Variants in WDR33 observed in about 807,000 individuals in gnomAD.
WDR33 encodes the protein pre-mRNA 3' end processing protein WDR33.
In WDR33, 47 loss-of-function variants were observed where a neutral mutation model predicts 164.9. The ratio of observed to expected loss-of-function variants is 0.29; its 90% CI spans 0.23 to 0.36. WDR33 has a LOEUF of 0.36. Among genes scored for constraint, WDR33 ranks in the 10% least tolerant of loss-of-function variants. The pLI, the probability that WDR33 is intolerant of heterozygous loss-of-function variation, is 1.00. For synonymous variants in WDR33, 505 were observed against 589.0 expected (o/e 0.86, Z 2.06); for missense variants, 1,137 against 1,754.1 (o/e 0.65, Z 6.28).
At chr2:127,776,887 A>C (rs1380838109) in intron 1 of WDR33, among the ~76,000 whole-genome samples, 1 of 152,234 alleles carries the variant, frequency 6.6e-6, no homozygotes, top group East Asian at 1.9e-4. Context: ...CCAAACACAG[A>C]GAAAGCAGAG....
At position 127,724,260 on chromosome 2, in the gene WDR33, T is replaced by A. The variant is rs1686510391; in HGVS notation, c.1196+73A>T. The A allele has an allele frequency of 3.4e-6, 4 of 1,191,926 alleles. No homozygotes were observed. The highest frequency in any genetic ancestry group is 2.0e-4 in the Middle Eastern group (1 of 4,996). 73.8% of individuals were successfully genotyped at this position (1,191,926 alleles called of 1,614,324 possible). On this transcript the variant is annotated intron_variant, in intron 11 of 21. Coordinates refer to ENST00000322313, the MANE Select transcript of WDR33 (RefSeq NM_018383.5). The surrounding 1 kb of genome is among the most constrained non-coding windows in gnomAD (Gnocchi z 4.8). ...ATAAATTACTATATCAATCAACCAATAAAAATAAACACATACAGTATTTAT... is the reference window on the plus strand; with the variant it reads ...ATAAATTACTATATCAATCAACCAAAAAAAATAAACACATACAGTATTTAT...
At position 127,701,280 on chromosome 2, in the gene WDR33, G is replaced by T; in HGVS notation, c.*5043C>A. 1 of 329,356 alleles carries T rather than the reference G, an allele frequency of 3.0e-6. No homozygotes were observed. The highest frequency in any genetic ancestry group is 5.5e-6 in the Non-Finnish European group (1 of 183,004). 20.4% of individuals were successfully genotyped at this position (329,356 alleles called of 1,614,324 possible). On this transcript the variant is annotated 3_prime_UTR_variant, in exon 22 of 22. Coordinates refer to ENST00000322313, the MANE Select transcript of WDR33 (RefSeq NM_018383.5). ...CAGGACTTAGCCAGACCGCAAGGGC[G>T]CCTACTCCGAACAAGGAAGAGGGTC...
rs557050757 is a variant in WDR33 at position 127,742,306 on chromosome 2, T to C, written c.725-15529A>G. ...ACCTTGGGAGGCCAAGGTATGTGGA[T>C]TGCTTGAGCTCAGGAGTTTGAGAAC... On this transcript the variant is annotated intron_variant, in intron 7 of 21. Transcript: ENST00000322313. 1.2e-4 allele frequency among the ~76,000 whole-genome samples: 19 copies of C among 152,110 alleles called. 1 individual carries two copies. The highest frequency in any genetic ancestry group is 3.9e-4 in the African/African-American group (16 of 41,500).
rs950779283 is a variant in WDR33 at position 127,703,328 on chromosome 2, C to T, written c.*2995G>A. The T allele has an allele frequency of 2.4e-5, 4 of 167,092 alleles. No homozygotes were observed. Among genetic ancestry groups the T allele is most frequent in the African/African-American group, 9.6e-5 (4 of 41,462 alleles). 10.4% of individuals were successfully genotyped at this position (167,092 alleles called of 1,614,324 possible). ...TTTTAAAGCTCCCCAAGTGATTCTA[C>T]GTTCCCCAAGTTTGAGGACCACTTT... On this transcript the variant is annotated 3_prime_UTR_variant, in exon 22 of 22. Coordinates refer to ENST00000322313, the MANE Select transcript of WDR33 (RefSeq NM_018383.5).
At chr2:127,747,047 G>GT (rs1472514490) in intron 7 of WDR33, among the ~76,000 whole-genome samples, 5 of 152,094 alleles carry the variant, frequency 3.3e-5, no homozygotes, top group African/African-American at 1.2e-4. Context: ...GATCACCAAA[G>GT]TGAGTTTCGC....
intron 1 of WDR33, among the ~76,000 whole-genome samples, chr2:127,788,061 G>A (rs1050155595): frequency 3.3e-5 from 3 of 90,312 alleles, no homozygotes; most frequent in Non-Finnish European, 6.5e-5. Flanking sequence ...CGGCTGGCCG[G>A]GCGGGGGGCC....
Position 127,765,281 on chromosome 2 carries a change from A to C in WDR33, c.379-12T>G. 1 of 1,606,482 alleles carries C rather than the reference A, an allele frequency of 6.2e-7. No homozygotes were observed. The highest frequency in any genetic ancestry group is 8.5e-7 in the Non-Finnish European group (1 of 1,174,830). ...CCTTCTGGAGTCCACTAAGGGAGAA[A>C]AAAAGACAGGTTATACATCCTCCAA... is the stretch of plus-strand genomic sequence containing the variant. On this transcript the variant is annotated splice_polypyrimidine_tract_variant and intron_variant, in intron 4 of 21. Coordinates refer to ENST00000322313, the MANE Select transcript of WDR33 (RefSeq NM_018383.5).
At chr2:127,797,735 G>A (rs1263160413) in intron 1 of WDR33, among the ~76,000 whole-genome samples, 1 of 152,144 alleles carries the variant, frequency 6.6e-6, no homozygotes, top group Non-Finnish European at 1.5e-5. Context: ...CAACAGGCCA[G>A]GCACGGTGGT....
chr2:127,728,168 G>C lies in WDR33; in HGVS notation c.725-1391C>G, dbSNP rs564385179. On this transcript the variant is annotated intron_variant, in intron 7 of 21. Coordinates refer to ENST00000322313, the MANE Select transcript of WDR33 (RefSeq NM_018383.5). ...GGATTTATCTGCAAGGACATTTACT[G>C]ACACAATTTGTTTTTAATAGAACAC... 1.0e-3 allele frequency among the ~76,000 whole-genome samples: 152 copies of C among 152,266 alleles called. 2 individuals are homozygous for C. Among genetic ancestry groups the C allele is most frequent in the African/African-American group, 3.5e-3 (145 of 41,546 alleles).
At position 127,787,585 on chromosome 2, in the gene WDR33, G is replaced by A. The variant is rs1440046237; in HGVS notation, c.-23-16581C>T. Among the ~76,000 whole-genome samples the A allele has an allele frequency of 9.8e-3, 962 of 98,156 alleles. 11 individuals carry two copies. Among genetic ancestry groups the A allele is most frequent in the African/African-American group, 0.046 (889 of 19,406 alleles). The allele number at this position is 98,156 out of a possible 152,430, so 64.4% of individuals were successfully genotyped here. ...GACGGGGCGGCTGGCCGGGCAGAGG[G>A]GCTCCTCACTTCCCAGTAGGGGCGG... On this transcript the variant is annotated intron_variant, in intron 1 of 21. Transcript: ENST00000322313.
intron 1 of WDR33, among the ~76,000 whole-genome samples, chr2:127,800,010 C>T (rs1407417945): frequency 1.3e-5 from 2 of 152,184 alleles, no homozygotes; most frequent in Non-Finnish European, 2.9e-5. Flanking sequence ...AACAGTAACC[C>T]TCATGAGAAG....
intron 7 of WDR33, chr2:127,736,337 T>C (rs1471263391): frequency 2.0e-6 from 2 of 985,280 alleles, no homozygotes; most frequent in Non-Finnish European, 2.4e-6. Flanking sequence ...CTTTAATTTG[T>C]AATGTGTATT....
intron 7 of WDR33, among the ~76,000 whole-genome samples, chr2:127,733,543 C>T (rs1686762706): frequency 6.6e-6 from 1 of 152,108 alleles, no homozygotes. Context: ...CCTGCACTGT[C>T]CCATATGGCA....
In WDR33 at chr2:127,702,291, C is replaced by T. The variant is rs2105364555; in HGVS notation, c.*4032G>A. 1.9e-6 allele frequency: 2 copies of T among 1,040,508 alleles called. No individual in the cohort carries two copies. Among genetic ancestry groups the T allele is most frequent in the East Asian group, 9.3e-5 (2 of 21,530 alleles). 64.5% of individuals were successfully genotyped at this position (1,040,508 alleles called of 1,614,324 possible). A position where few individuals can be genotyped will look rare whatever the true frequency, so the allele number is the denominator to read the frequency against. On this transcript the variant is annotated 3_prime_UTR_variant, in exon 22 of 22. Coordinates refer to ENST00000322313, the MANE Select transcript of WDR33 (RefSeq NM_018383.5). ...CGGAAGCCCGTGGCGAAGGCCCTGC[C>T]CTAACAGCCTGCGAGTCTAATCCGG... is the stretch of plus-strand genomic sequence containing the variant.
At position 127,706,102 on chromosome 2, in the gene WDR33, G is replaced by C; in HGVS notation, c.*221C>G. 2.5e-6 allele frequency: 1 copy of C among 402,384 alleles called. No individual in the cohort carries two copies. The highest frequency in any genetic ancestry group is 4.4e-6 in the Non-Finnish European group (1 of 228,916). 24.9% of individuals were successfully genotyped at this position (402,384 alleles called of 1,614,324 possible). A position where few individuals can be genotyped will look rare whatever the true frequency, so the allele number is the denominator to read the frequency against. The stretch of plus-strand genomic sequence containing the variant: ...GCTTTTATCTTCACAAAACAACATG[G>C]GAGTTGGGGCAATGAGGGTGGACAG... On this transcript the variant is annotated 3_prime_UTR_variant, in exon 22 of 22. Coordinates refer to ENST00000322313, the MANE Select transcript of WDR33 (RefSeq NM_018383.5). This position sits in a 1 kb window ranked among gnomAD's most constrained non-coding sequence, Gnocchi z 5.1.
intron 1 of WDR33, among the ~76,000 whole-genome samples, chr2:127,782,582 G>T (rs915650206): frequency 1.3e-5 from 2 of 152,058 alleles, no homozygotes; most frequent in Non-Finnish European, 2.9e-5. Context: ...CTGCATCCAT[G>T]GATTCAACCG....
chr2:127,785,505 A>ACTCAT lies in WDR33; in HGVS notation c.-23-14506_-23-14502dup, dbSNP rs1688531442. 2.0e-5 allele frequency among the ~76,000 whole-genome samples: 3 copies of ACTCAT among 151,960 alleles called. No individual in the cohort carries two copies. In the South Asian group the frequency reaches 6.2e-4, roughly 32 times the overall value. The stretch of plus-strand genomic sequence containing the variant: ...CCCTCCCCCAAGCTCCTGGCTATTT[A>ACTCAT]CTCATCTTTTTACTGTCTCCACAGT... On this transcript the variant is annotated intron_variant, in intron 1 of 21. Coordinates refer to ENST00000322313, the MANE Select transcript of WDR33 (RefSeq NM_018383.5).
At chr2:127,755,676 G>A (rs191578442) in intron 7 of WDR33, among the ~76,000 whole-genome samples, 3 of 152,278 alleles carry the variant, frequency 2.0e-5, no homozygotes, top group East Asian at 1.9e-4. Context: ...CACTTCAGAA[G>A]TGTACAGACT....
At chr2:127,761,208 C>CT (rs367631102) in intron 7 of WDR33, among the ~76,000 whole-genome samples, 27 of 149,760 alleles carry the variant, frequency 1.8e-4, no homozygotes, top group South Asian at 1.1e-3. Context: ...TCTAGAATTA[C>CT]TTTTTTTTTT....
Sources: allele counts gnomAD v4.1 joint callset (sites outside exome capture counted in the v4.1 genomes callset), GRCh38; gene constraint gnomAD v4.1.1; non-coding constraint Gnocchi (gnomAD v3.1); transcripts MANE v1.5; gene names NCBI Gene and HGNC (gene_info 2026-07-23, HGNC 2026-07-21).